NFATC2: variants seen among roughly 807,000 people sequenced by gnomAD.
The protein encoded by NFATC2 is nuclear factor of activated T-cells, cytoplasmic 2.
Under a neutral mutation model 87.3 loss-of-function variants are expected in NFATC2, and 22 were observed. The ratio of observed to expected loss-of-function variants is 0.25; its 90% CI spans 0.18 to 0.36. NFATC2 has a LOEUF of 0.36. Among genes scored for constraint, NFATC2 ranks in the 10% least tolerant of loss-of-function variants. NFATC2 has a pLI of 1.00. For missense variants in NFATC2, 1,149 were observed against 1,259.1 expected (o/e 0.91, Z 1.32); for synonymous variants, 565 against 542.2 (o/e 1.04, Z -0.58).
At chr20:51,393,440 C>A (rs1986608766) in intron 10 of NFATC2, among the ~76,000 whole-genome samples, 1 of 88,470 alleles carries the variant, frequency 1.1e-5, no homozygotes, top group Non-Finnish European at 2.0e-5. Flanking sequence ...GAAATACATA[C>A]ATTATGTATA....
intron 1 of NFATC2, among the ~76,000 whole-genome samples, chr20:51,525,985 C>A (rs6067808): frequency 1.4e-5 from 2 of 147,546 alleles, no homozygotes; most frequent in Non-Finnish European, 3.0e-5. Context: ...ACCTCTTCGC[C>A]GTACTTAAGC....
intron 9 of NFATC2, among the ~76,000 whole-genome samples, chr20:51,422,302 G>C (rs1435671613): frequency 6.6e-6 from 1 of 152,218 alleles, no homozygotes; most frequent in Non-Finnish European, 1.5e-5. Context: ...GGATGAGACA[G>C]ATGTCATCCC....
At chr20:51,467,072 C>CAA (rs35588474) in intron 5 of NFATC2, among the ~76,000 whole-genome samples, 1,507 of 79,554 alleles carry the variant, frequency 0.019, 33 homozygotes, top group Middle Eastern at 0.043. Context: ...GACTTAGTCT[C>CAA]AAAAAAAAAA....
intron 1 of NFATC2, among the ~76,000 whole-genome samples, chr20:51,530,670 A>C (rs2076618596): frequency 6.6e-6 from 1 of 152,174 alleles, no homozygotes; most frequent in Admixed American, 6.5e-5. Context: ...TTGCTGCTCA[A>C]GGGCCTCTGT....
intron 10 of NFATC2, among the ~76,000 whole-genome samples, chr20:51,391,806 C>T (rs896149593): frequency 6.6e-6 from 1 of 152,170 alleles, no homozygotes; most frequent in African/African-American, 2.4e-5. Context: ...ATGAACCATT[C>T]TGCCCATCTC....
At chr20:51,399,792 A>T (rs561994070) in intron 9 of NFATC2, among the ~76,000 whole-genome samples, 1 of 152,350 alleles carries the variant, frequency 6.6e-6, no homozygotes, top group South Asian at 2.1e-4. Context: ...TCTCCACTTG[A>T]AACTGACTTC....
chr20:51,513,107 T>G (rs1055756313), intron 3 of NFATC2, among the ~76,000 whole-genome samples: 18 of 152,218 alleles, frequency 1.2e-4, no homozygotes, highest in Non-Finnish European at 1.8e-4. Flanking sequence ...TCAAATGACT[T>G]TTTAAAAAGA....
intron 5 of NFATC2, among the ~76,000 whole-genome samples, chr20:51,473,028 T>C (rs1988379893): frequency 6.6e-6 from 1 of 152,356 alleles, no homozygotes; most frequent in Non-Finnish European, 1.5e-5. Flanking sequence ...TGTTAATGTA[T>C]AAGTAGACTT....
chr20:51,394,182 G>A (rs986368313), intron 10 of NFATC2, among the ~76,000 whole-genome samples: 14 of 152,084 alleles, frequency 9.2e-5, no homozygotes, highest in African/African-American at 3.4e-4. Flanking sequence ...CTGCCAACAA[G>A]GAGAAAGTTC....
rs553743300 is a variant in NFATC2, at chr20:51,514,271, A to T, written c.1332+2513T>A. ...ATAAACATCTTTTGAATAATCAGTGAATGAAGATGCCACAAAGCCAGAAAT... is the reference window on the plus strand; with the variant it reads ...ATAAACATCTTTTGAATAATCAGTGTATGAAGATGCCACAAAGCCAGAAAT... On this transcript the variant is annotated intron_variant, in intron 3 of 10. Coordinates refer to ENST00000371564, the MANE Select transcript of NFATC2 (RefSeq NM_012340.5). 2.6e-5 allele frequency among the ~76,000 whole-genome samples: 4 copies of T among 152,354 alleles called. No homozygotes were observed. The South Asian group carries it at 8.3e-4, about 32-fold the overall frequency.
intron 5 of NFATC2, among the ~76,000 whole-genome samples, chr20:51,461,440 G>A (rs56062373): frequency 6.6e-6 from 1 of 152,226 alleles, no homozygotes; most frequent in African/African-American, 2.4e-5. Context: ...CTTCAAGGTG[G>A]CCCCTGCAAA....
intron 9 of NFATC2, among the ~76,000 whole-genome samples, chr20:51,414,593 G>T (rs541008277): frequency 4.5e-4 from 68 of 152,128 alleles, no homozygotes; most frequent in Admixed American, 1.3e-3. Context: ...GGAGGCTGAG[G>T]CAGGAGAATC....
intron 9 of NFATC2, chr20:51,399,244 A>C (rs1251501793): frequency 6.5e-6 from 1 of 153,818 alleles, no homozygotes; most frequent in African/African-American, 2.4e-5. Flanking sequence ...TTTTGTCAAC[A>C]ATGGAAAAAA....
chr20:51,435,350 T>C, intron 7 of NFATC2, 36 bp from the exon 8 acceptor site: 1 of 1,613,608 alleles, frequency 6.2e-7, no homozygotes, highest in African/African-American at 1.3e-5. Context: ...TTAACTGCAA[T>C]CATGTCTCAG....
At chr20:51,481,705 TG>T (rs1426573636) in intron 3 of NFATC2, among the ~76,000 whole-genome samples, 1 of 152,010 alleles carries the variant, frequency 6.6e-6, no homozygotes, top group African/African-American at 2.4e-5. Flanking sequence ...ACTGCAGGCT[TG>T]GGGGCATCAT....
intron 9 of NFATC2, among the ~76,000 whole-genome samples, chr20:51,425,734 C>T (rs1981713589): frequency 6.6e-6 from 1 of 152,230 alleles, no homozygotes; most frequent in African/African-American, 2.4e-5. Context: ...GGTTCCTTTC[C>T]CTGCTTCCTG....
rs67935951 is a variant in NFATC2 at position 51,411,516 on chromosome 20, C to CTT, written c.2723-12788_2723-12787dup. 4.1e-3 allele frequency among the ~76,000 whole-genome samples: 359 copies of CTT among 87,236 alleles called. 37 individuals are homozygous for CTT. The highest frequency in any genetic ancestry group is 8.4e-3 in the African/African-American group (202 of 23,950). 57.2% of individuals were successfully genotyped at this position (87,236 alleles called of 152,430 possible). A position where few individuals can be genotyped will look rare whatever the true frequency, so the allele number is the denominator to read the frequency against. On this transcript the variant is annotated intron_variant, in intron 9 of 10. Coordinates refer to ENST00000371564, the MANE Select transcript of NFATC2 (RefSeq NM_012340.5). ...CAAGGTCCTGAAGCAATGCAATTGTCTTTTTTTTTTTTTTTTTTTTTTTTT... is the reference window on the plus strand; with the variant it reads ...CAAGGTCCTGAAGCAATGCAATTGTCTTTTTTTTTTTTTTTTTTTTTTTTTTT...
At chr20:51,506,760 A>C (rs1387060248) in intron 3 of NFATC2, among the ~76,000 whole-genome samples, 2 of 152,162 alleles carry the variant, frequency 1.3e-5, no homozygotes, top group African/African-American at 4.8e-5. Context: ...GGGGCCTGCG[A>C]AGTGGTCCCA....
chr20:51,511,058 G>A (rs1001966884), intron 3 of NFATC2, among the ~76,000 whole-genome samples: 1 of 152,062 alleles, frequency 6.6e-6, no homozygotes, highest in Non-Finnish European at 1.5e-5. Flanking sequence ...CCTAGCTCTT[G>A]GGAAAGAAGA....
Sources: gnomAD v4.1 joint callset for allele counts (sites outside exome capture counted in the v4.1 genomes callset) on GRCh38, gnomAD v4.1.1 for gene constraint, MANE v1.5 for transcripts, NCBI Gene and HGNC (gene_info 2026-07-23, HGNC 2026-07-21) for gene names.